The following SPINK5 variants were observed in gnomAD, a reference collection of about 807,000 sequenced individuals.
SPINK5 encodes the protein serine protease inhibitor Kazal-type 5.
Under a neutral mutation model 151.8 loss-of-function variants are expected in SPINK5, and 125 were observed. The observed-to-expected ratio is 0.82, with a 90% CI of 0.71 to 0.96. SPINK5 has a LOEUF of 0.96. SPINK5 is among the 40% of genes least tolerant of loss of function. The pLI is 0.00. For synonymous variants in SPINK5, 374 were observed against 395.3 expected (o/e 0.95, Z 0.64); for missense variants, 1,194 against 1,291.9 (o/e 0.92, Z 1.16).
At chr5:148,099,137 C>G in intron 11 of SPINK5, 97 bp from the exon 12 acceptor site, 6 of 1,170,560 alleles carry the variant, frequency 5.1e-6, no homozygotes, top group Non-Finnish European at 7.5e-6. Flanking sequence ...AATTGTTCCA[C>G]TCTAAGGAGG....
chr5:148,065,573 T>G lies in SPINK5; in HGVS notation c.81+201T>G, dbSNP rs533864105. ...CACACACACACACACACACACACAC[T>G]CAACATATTAATGATGATGGATGTC... On this transcript the variant is annotated intron_variant, in intron 2 of 32. Transcript: ENST00000256084. 960 of 541,008 alleles carry G rather than the reference T, an allele frequency of 1.8e-3. 9 individuals carry two copies. Among genetic ancestry groups the G allele is most frequent in the Non-Finnish European group, 1.7e-4 (53 of 303,940 alleles). 33.5% of individuals were successfully genotyped at this position (541,008 alleles called of 1,614,324 possible).
chr5:148,079,587 T>C (rs1339961019), intron 4 of SPINK5, among the ~76,000 whole-genome samples: 1 of 151,088 alleles, frequency 6.6e-6, no homozygotes, highest in Admixed American at 6.6e-5. Context: ...AAGAAAGCAA[T>C]GTTGGTTTGG....
chr5:148,097,787 T>A, intron 10 of SPINK5, 80 bp from the exon 11 acceptor site: 1 of 896,218 alleles, frequency 1.1e-6, no homozygotes, highest in Non-Finnish European at 1.6e-6. Flanking sequence ...TAATTTCTCT[T>A]TTTTCTTTGT....
chr5:148,084,186 T>G (rs1753094101), intron 4 of SPINK5, among the ~76,000 whole-genome samples: 1 of 151,940 alleles, frequency 6.6e-6, no homozygotes, highest in Admixed American at 6.6e-5. Context: ...ATATTCTTAT[T>G]GTAATATTCC....
At chr5:148,092,215 C>A (rs968404589) in intron 8 of SPINK5, among the ~76,000 whole-genome samples, 5 of 151,980 alleles carry the variant, frequency 3.3e-5, no homozygotes, top group Non-Finnish European at 2.9e-5. Context: ...AAGAAACAAG[C>A]CCACCTTTTG....
In SPINK5 at chr5:148,088,580, A is replaced by G; in HGVS notation, c.449A>G (p.Glu150Gly). The G allele has an allele frequency of 6.2e-7, 1 of 1,611,738 alleles. No individual in the cohort carries two copies. The highest frequency in any genetic ancestry group is 8.5e-7 in the Non-Finnish European group (1 of 1,178,594). Residue 150 changes from glutamate to glycine, a missense_variant, in exon 6 of 33, where the codon GAA (glutamate) becomes GGA (glycine). Glu to Gly is a moderately conservative substitution (Grantham distance 98). Coordinates refer to ENST00000256084, the MANE Select transcript of SPINK5 (RefSeq NM_006846.4). ...GSQIGVKSEG[E>G]CKSSNPEQDV... Reference sequence around the variant, plus strand: ...CAAATTGGTGTAAAAAGTGAAGGGGAATGTAAGAGCAGTAATCCAGAGCAG... The same window carrying G: ...CAAATTGGTGTAAAAAGTGAAGGGGGATGTAAGAGCAGTAATCCAGAGCAG...
chr5:148,112,503 C>A (rs111890148), intron 19 of SPINK5, among the ~76,000 whole-genome samples: 3 of 151,780 alleles, frequency 2.0e-5, no homozygotes, highest in Non-Finnish European at 2.9e-5. Flanking sequence ...TGAAACCCCA[C>A]CTTTACTAAA....
chr5:148,133,502 C>T (rs1045573511), intron 31 of SPINK5, among the ~76,000 whole-genome samples: 4 of 152,206 alleles, frequency 2.6e-5, no homozygotes, highest in African/African-American at 9.6e-5. Flanking sequence ...TCTATAAATG[C>T]GAGATCACCT....
At chr5:148,136,768 A>G (rs915188313) in intron 32 of SPINK5, among the ~76,000 whole-genome samples, 6 of 152,228 alleles carry the variant, frequency 3.9e-5, no homozygotes, top group African/African-American at 4.8e-5. Context: ...AGCCATGTTC[A>G]TATTTGTGTC....
intron 4 of SPINK5, among the ~76,000 whole-genome samples, chr5:148,081,178 C>A (rs767373912): frequency 6.6e-6 from 1 of 151,462 alleles, no homozygotes; most frequent in Non-Finnish European, 1.5e-5. Flanking sequence ...GGGTAATATA[C>A]AAGGTTACAG....
chr5:148,114,921 G>A (rs1487845974), intron 21 of SPINK5, among the ~76,000 whole-genome samples: 1 of 152,150 alleles, frequency 6.6e-6, no homozygotes, highest in Non-Finnish European at 1.5e-5. Flanking sequence ...AGTACACCTA[G>A]AATATTTAAG....
At chr5:148,064,845 T>C (rs899578202) in intron 1 of SPINK5, among the ~76,000 whole-genome samples, 3 of 152,174 alleles carry the variant, frequency 2.0e-5, no homozygotes, top group Non-Finnish European at 4.4e-5. Context: ...TAATCTTACC[T>C]TCTGTCAGAT....
chr5:148,073,663 A>G (rs1752799360), intron 4 of SPINK5, among the ~76,000 whole-genome samples: 1 of 151,820 alleles, frequency 6.6e-6, no homozygotes, highest in Non-Finnish European at 1.5e-5. Context: ...AAACATACCA[A>G]TTTTAACAAA....
chr5:148,125,884 G>C (rs892527366), intron 29 of SPINK5, 34 bp downstream of exon 29: 1 of 1,613,740 alleles, frequency 6.2e-7, no homozygotes, highest in Admixed American at 1.7e-5. Context: ...CCTGTAGCTA[G>C]CAGGGGAACT....
At chr5:148,108,486 C>T (rs530659870) in intron 17 of SPINK5, among the ~76,000 whole-genome samples, 22 of 152,012 alleles carry the variant, frequency 1.4e-4, no homozygotes, top group South Asian at 4.2e-4. Flanking sequence ...TTAAAATTAG[C>T]GACGTACAAA....
At position 148,116,364 on chromosome 5, in the gene SPINK5, T is replaced by TTCCA. The variant is rs1331139399; in HGVS notation, c.2016-5_2016-2dup. On this transcript the variant is annotated splice_region_variant and splice_polypyrimidine_tract_variant and intron_variant, in intron 21 of 32. Coordinates refer to ENST00000256084, the MANE Select transcript of SPINK5 (RefSeq NM_006846.4). ...TGTTCCCTACCTCCCACTTTCTAAT[T>TTCCA]TCCAGCCAGAAAGAAAATGAGGAAA... 6.2e-7 allele frequency: 1 copy of TTCCA among 1,613,786 alleles called. No individual in the cohort carries two copies. The highest frequency in any genetic ancestry group is 1.3e-5 in the African/African-American group (1 of 74,896).
At chr5:148,114,984 A>G (rs1190737736) in intron 21 of SPINK5, among the ~76,000 whole-genome samples, 2 of 152,234 alleles carry the variant, frequency 1.3e-5, no homozygotes, top group African/African-American at 4.8e-5. Flanking sequence ...TATAATGTGT[A>G]TAATGATTAT....
At chr5:148,125,469 GA>G in intron 28 of SPINK5, 1 of 1,520,056 alleles carries the variant, frequency 6.6e-7, no homozygotes. Flanking sequence ...ATGAACGGGA[GA>G]AAAAAACAGG....
chr5:148,066,799 ACTG>A (rs1752598906), intron 2 of SPINK5, among the ~76,000 whole-genome samples: 1 of 152,166 alleles, frequency 6.6e-6, no homozygotes, highest in African/African-American at 2.4e-5. Context: ...TGAATTTTAC[ACTG>A]CTATTTTTCA....
Sources: allele counts gnomAD v4.1 joint callset (sites outside exome capture counted in the v4.1 genomes callset), GRCh38; gene constraint gnomAD v4.1.1; transcripts MANE v1.5; gene names NCBI Gene and HGNC (gene_info 2026-07-23, HGNC 2026-07-21).